Variants in RALYL observed in about 807,000 individuals in gnomAD.
RALYL encodes RALY RNA binding protein like, also known as RNA-binding Raly-like protein.
A neutral mutation model predicts 35.1 loss-of-function variants in RALYL; 29 were observed. The ratio of observed to expected loss-of-function variants is 0.83; its 90% confidence interval spans 0.61 to 1.13. RALYL has a LOEUF of 1.13. Among genes scored for constraint, RALYL ranks in the 50% most tolerant of loss-of-function variants. The probability of loss-of-function intolerance (pLI) is 0.00; values close to 1 mark genes in which losing one functional copy is unlikely to be tolerated. For synonymous variants in RALYL, 120 were observed against 127.6 expected (o/e 0.94, Z 0.40); for missense variants, 359 against 360.4 (o/e 1.00, Z 0.03).
At chr8:84,533,903 G>C (rs1240966963) in intron 2 of RALYL, among the ~76,000 whole-genome samples, 1 of 152,208 alleles carries the variant, frequency 6.6e-6, no homozygotes, top group Non-Finnish European at 1.5e-5. Flanking sequence ...TCAAATGCTT[G>C]TAACAATTCC....
At chr8:84,349,535 A>G (rs779731948) in intron 1 of RALYL, among the ~76,000 whole-genome samples, 1 of 150,280 alleles carries the variant, frequency 6.7e-6, no homozygotes, top group African/African-American at 2.5e-5. Flanking sequence ...TTAGTAGGTC[A>G]TCCTTATGCA....
intron 2 of RALYL, among the ~76,000 whole-genome samples, chr8:84,764,925 C>T (rs370928112): frequency 3.8e-4 from 58 of 152,320 alleles, no homozygotes; most frequent in Middle Eastern, 3.4e-3. Flanking sequence ...CTCAGATTTT[C>T]GCTCAAAATG....
intron 2 of RALYL, among the ~76,000 whole-genome samples, chr8:84,742,117 T>G (rs566964062): frequency 6.6e-6 from 1 of 152,054 alleles, no homozygotes; most frequent in East Asian, 1.9e-4. Flanking sequence ...TATTACAAGT[T>G]TAGGTAGGGA....
At chr8:84,186,746 T>C (rs1207193450) in intron 1 of RALYL, among the ~76,000 whole-genome samples, 1 of 152,182 alleles carries the variant, frequency 6.6e-6, no homozygotes, top group African/African-American at 2.4e-5. Context: ...TATCTATGTT[T>C]TCATTTATTT....
At chr8:84,845,343 A>T (rs190192539) in intron 4 of RALYL, among the ~76,000 whole-genome samples, 4 of 151,968 alleles carry the variant, frequency 2.6e-5, no homozygotes, top group Admixed American at 2.6e-4. Flanking sequence ...CATCCTCTAC[A>T]TCTGTTGTTT....
At chr8:84,897,545 C>T (rs1350026114) in intron 8 of RALYL, among the ~76,000 whole-genome samples, 1 of 151,812 alleles carries the variant, frequency 6.6e-6, no homozygotes, top group Non-Finnish European at 1.5e-5. Flanking sequence ...ATAAAGATAA[C>T]ACTAACAGTA....
At chr8:84,716,314 A>G (rs1416625941) in intron 2 of RALYL, among the ~76,000 whole-genome samples, 1 of 152,178 alleles carries the variant, frequency 6.6e-6, no homozygotes, top group Non-Finnish European at 1.5e-5. Context: ...ATGCATACAT[A>G]CTACATGGAA....
intron 6 of RALYL, among the ~76,000 whole-genome samples, chr8:84,871,398 A>G (rs1251154762): frequency 1.3e-5 from 2 of 152,166 alleles, no homozygotes; most frequent in African/African-American, 2.4e-5. Flanking sequence ...TAAGAAATAT[A>G]TTCTGTTAGT....
chr8:84,356,439 A>G (rs1163087903), intron 1 of RALYL, among the ~76,000 whole-genome samples: 1 of 150,372 alleles, frequency 6.7e-6, no homozygotes, highest in Non-Finnish European at 1.5e-5. Context: ...TTCCATGCCT[A>G]TTGCCTCATT....
intron 2 of RALYL, among the ~76,000 whole-genome samples, chr8:84,618,423 T>C (rs1009649537): frequency 2.6e-5 from 4 of 151,340 alleles, no homozygotes; most frequent in African/African-American, 9.8e-5. Flanking sequence ...TGTATTTCTG[T>C]GGGATTGGTG....
chr8:84,877,212 C>T (rs1335052682), intron 7 of RALYL, among the ~76,000 whole-genome samples: 1 of 152,190 alleles, frequency 6.6e-6, no homozygotes, highest in South Asian at 2.1e-4. Flanking sequence ...AGTGGCCGGC[C>T]GCGGTGGCTC....
At chr8:84,858,057 C>T (rs187630802) in intron 5 of RALYL, among the ~76,000 whole-genome samples, 223 of 151,950 alleles carry the variant, frequency 1.5e-3, no homozygotes, top group African/African-American at 4.6e-3. Flanking sequence ...CTTATTCTTC[C>T]TAGAGAAAAG....
intron 2 of RALYL, among the ~76,000 whole-genome samples, chr8:84,750,102 A>G (rs369045824): frequency 2.6e-4 from 40 of 152,304 alleles, no homozygotes; most frequent in African/African-American, 8.4e-4. Context: ...TAAGAATTAC[A>G]CATAAGAAAG....
chr8:84,494,657 C>A (rs1037154470), intron 1 of RALYL, among the ~76,000 whole-genome samples: 1 of 152,044 alleles, frequency 6.6e-6, no homozygotes, highest in African/African-American at 2.4e-5. Flanking sequence ...CTCTTTGTAG[C>A]AATCATGAAT....
At chr8:84,693,560 T>G (rs1297219717) in intron 2 of RALYL, among the ~76,000 whole-genome samples, 1 of 151,822 alleles carries the variant, frequency 6.6e-6, no homozygotes, top group Non-Finnish European at 1.5e-5. Flanking sequence ...CAAACCATAT[T>G]AATATAATAG....
intron 4 of RALYL, among the ~76,000 whole-genome samples, chr8:84,849,093 G>A (rs551798207): frequency 3.3e-4 from 50 of 152,322 alleles, no homozygotes; most frequent in African/African-American, 1.1e-3. Context: ...TAATTGAAAT[G>A]CATATAAAGT....
intron 8 of RALYL, among the ~76,000 whole-genome samples, chr8:84,910,536 A>G (rs1383794539): frequency 6.6e-6 from 1 of 152,090 alleles, no homozygotes; most frequent in Non-Finnish European, 1.5e-5. Flanking sequence ...TGTTACCATC[A>G]ATGATGATGT....
At chr8:84,570,370 T>C (rs1405944914) in intron 2 of RALYL, among the ~76,000 whole-genome samples, 1 of 151,814 alleles carries the variant, frequency 6.6e-6, no homozygotes, top group East Asian at 1.9e-4. Flanking sequence ...TTCTTGATTT[T>C]GCTCTCAGCT....
In RALYL at chr8:84,280,252, C is replaced by T. The variant is rs567754212; in HGVS notation, c.-24+95828C>T. 7.9e-5 allele frequency among the ~76,000 whole-genome samples: 12 copies of T among 152,218 alleles called. No individual in the cohort carries two copies. The South Asian group carries it at 2.5e-3, about 32-fold the overall frequency. On this transcript the variant is annotated intron_variant, in intron 1 of 8. Coordinates refer to ENST00000521268, the MANE Select transcript of RALYL (RefSeq NM_173848.7). ...CTTGAAAGCTTTTGACAGCAAAATA[C>T]TTACATTAAATTTCAGCAACTTGTG...
Sources: allele counts gnomAD v4.1 joint callset (sites outside exome capture counted in the v4.1 genomes callset), GRCh38; gene constraint gnomAD v4.1.1; transcripts MANE v1.5; gene names NCBI Gene and HGNC (gene_info 2026-07-23, HGNC 2026-07-21).